The following PIK3R5 variants were observed in gnomAD, a reference collection of about 807,000 sequenced individuals.
The protein encoded by PIK3R5 is phosphoinositide 3-kinase regulatory subunit 5.
PIK3R5 carries 32 observed loss-of-function variants against 94.9 expected under a neutral mutation model. That is an observed-to-expected ratio of 0.34 (90% CI 0.25 to 0.45). PIK3R5 has a LOEUF of 0.45. Ranked by LOEUF, PIK3R5 falls within the 20% of genes least tolerant of loss-of-function variation. The pLI is 1.00. For missense variants in PIK3R5, 853 were observed against 1,144.6 expected (o/e 0.75, Z 3.68); for synonymous variants, 443 against 479.4 (o/e 0.92, Z 0.99).
At chr17:8,939,025 G>A (rs777212350) in intron 1 of PIK3R5, among the ~76,000 whole-genome samples, 2 of 152,158 alleles carry the variant, frequency 1.3e-5, no homozygotes, top group Non-Finnish European at 2.9e-5. Context: ...TGGTGCCACC[G>A]CCATCAGCTA....
Position 8,925,812 on chromosome 17 carries a change from A to G in PIK3R5, c.-13-14305T>C, listed in dbSNP as rs2090872781. Among the ~76,000 whole-genome samples the G allele has an allele frequency of 6.6e-6, 1 of 152,286 alleles. No homozygotes were observed. Among genetic ancestry groups the G allele is most frequent in the East Asian group, 1.9e-4 (1 of 5,180 alleles). ...CCCCTTTTGTCTTTTCCTTTAATGC[A>G]GATAGATGCATCACATTCACTGAGA... On this transcript the variant is annotated intron_variant, in intron 1 of 18. Transcript: ENST00000447110. This position sits in a 1 kb window ranked among gnomAD's most constrained non-coding sequence, Gnocchi z 5.1.
chr17:8,957,449 A>G (rs1597438805), intron 1 of PIK3R5, among the ~76,000 whole-genome samples: 1 of 152,190 alleles, frequency 6.6e-6, no homozygotes, highest in Non-Finnish European at 1.5e-5. Context: ...ACATCTGAAG[A>G]CAGATACTAC....
At chr17:8,885,856 G>A (rs1428654671) in intron 14 of PIK3R5, among the ~76,000 whole-genome samples, 10 of 103,266 alleles carry the variant, frequency 9.7e-5, no homozygotes, top group Non-Finnish European at 1.7e-4. Flanking sequence ...CGCCTCCTGG[G>A]TAACTCCGCC....
chr17:8,965,111 G>A (rs534633474), intron 1 of PIK3R5, among the ~76,000 whole-genome samples: 1 of 152,236 alleles, frequency 6.6e-6, no homozygotes, highest in East Asian at 1.9e-4. Context: ...CAGCAGCCGC[G>A]TCTGGGCCCA....
chr17:8,903,420 AATAT>A (rs2090332666), intron 5 of PIK3R5, among the ~76,000 whole-genome samples: 1 of 151,226 alleles, frequency 6.6e-6, no homozygotes, highest in South Asian at 2.1e-4. Context: ...TACATGAATG[AATAT>A]ATACTAAGTG....
At position 8,884,047 on chromosome 17, in the gene PIK3R5, C is replaced by T. The variant is rs967540047; in HGVS notation, c.2205+660G>A. Among the ~76,000 whole-genome samples the T allele has an allele frequency of 3.3e-5, 5 of 152,160 alleles. No individual in the cohort carries two copies. The highest frequency in any genetic ancestry group is 1.3e-4 in the Admixed American group (2 of 15,272). Reference sequence around the variant, plus strand: ...TATCTTGGCTATTTCTTTGTTTCCTCGTTTCTTGTCTGTCTCCCTCCTCTA... The same window carrying T: ...TATCTTGGCTATTTCTTTGTTTCCTTGTTTCTTGTCTGTCTCCCTCCTCTA... On this transcript the variant is annotated intron_variant, in intron 15 of 18. Transcript: ENST00000447110. This position sits in a 1 kb window ranked among gnomAD's most constrained non-coding sequence, Gnocchi z 5.8.
At chr17:8,883,096 G>A (rs144878647) in intron 15 of PIK3R5, among the ~76,000 whole-genome samples, 2,634 of 152,338 alleles carry the variant, frequency 0.017, 26 homozygotes, top group Non-Finnish European at 0.027. Context: ...TGGGTCGGGC[G>A]TGGTGGCTCA....
chr17:8,889,910 A>T lies in PIK3R5; in HGVS notation c.811+63T>A. 1 of 1,580,954 alleles carries T rather than the reference A, an allele frequency of 6.3e-7. No individual in the cohort carries two copies. The highest frequency in any genetic ancestry group is 8.7e-7 in the Non-Finnish European group (1 of 1,153,150). On this transcript the variant is annotated intron_variant, in intron 8 of 18. Transcript: ENST00000447110. This position sits in a 1 kb window ranked among gnomAD's most constrained non-coding sequence, Gnocchi z 4.1. The stretch of plus-strand genomic sequence containing the variant: ...GCCACCAGGCCCGCCTGGACCGTGC[A>T]CCTTGGGACCTAGAATAGGCCATGG...
At chr17:8,886,393 A>G in intron 13 of PIK3R5, 71 bp from the exon 14 acceptor site, 2 of 1,594,784 alleles carry the variant, frequency 1.3e-6, no homozygotes, top group South Asian at 1.1e-5. Context: ...TCCAGCATAG[A>G]CCTGCTGGCT....
rs1259099289 is a variant in PIK3R5 at position 8,892,134 on chromosome 17, T to G, written c.483-1222A>C. The stretch of plus-strand genomic sequence containing the variant: ...CTTGCTCTCTCAATTCCACACTGCG[T>G]TTAAACCCAGTGCAAAGGAGCACCA... On this transcript the variant is annotated intron_variant, in intron 6 of 18. Transcript: ENST00000447110. This position sits in a 1 kb window ranked among gnomAD's most constrained non-coding sequence, Gnocchi z 4.3. Among the ~76,000 whole-genome samples the G allele has an allele frequency of 6.6e-6, 1 of 152,154 alleles. No homozygotes were observed. The highest frequency in any genetic ancestry group is 1.5e-5 in the Non-Finnish European group (1 of 68,036).
intron 1 of PIK3R5, among the ~76,000 whole-genome samples, chr17:8,931,369 C>T (rs2090984741): frequency 6.6e-6 from 1 of 152,150 alleles, no homozygotes; most frequent in Non-Finnish European, 1.5e-5. Flanking sequence ...AGCCTCCCTC[C>T]ATGAACAATT....
At position 8,880,561 on chromosome 17, in the gene PIK3R5, C is replaced by T; in HGVS notation, c.*78G>A. On this transcript the variant is annotated 3_prime_UTR_variant, in exon 19 of 19. Coordinates refer to ENST00000447110, the MANE Select transcript of PIK3R5 (RefSeq NM_001142633.3). ...CTCTGCACAGGGCCATTCAGTTCTC[C>T]ACAGAGAGGGACTGTCCTGGAGGGG... 7.1e-7 allele frequency: 1 copy of T among 1,399,998 alleles called. No individual in the cohort carries two copies. The highest frequency in any genetic ancestry group is 9.5e-7 in the Non-Finnish European group (1 of 1,049,714). 86.7% of individuals were successfully genotyped at this position (1,399,998 alleles called of 1,614,324 possible).
At chr17:8,965,001 C>CACACACACACA (rs1567679194) in intron 1 of PIK3R5, among the ~76,000 whole-genome samples, 155 of 150,800 alleles carry the variant, frequency 1.0e-3, no homozygotes, top group Non-Finnish European at 1.5e-3. Context: ...ATGCGCATGC[C>CACACACACACA]CACACACACA....
Position 8,884,315 on chromosome 17 carries a change from C to T in PIK3R5, c.2205+392G>A, listed in dbSNP as rs1042806987. 2.6e-5 allele frequency among the ~76,000 whole-genome samples: 4 copies of T among 152,084 alleles called. No homozygotes were observed. Among genetic ancestry groups the T allele is most frequent in the African/African-American group, 4.8e-5 (2 of 41,394 alleles). On this transcript the variant is annotated intron_variant, in intron 15 of 18. Coordinates refer to ENST00000447110, the MANE Select transcript of PIK3R5 (RefSeq NM_001142633.3). This position sits in a 1 kb window ranked among gnomAD's most constrained non-coding sequence, Gnocchi z 5.8. ...CACAGCTCTCCTCACTCCTTTCTCA[C>T]GCCAATCCCATCTTGCATGCAGCCT... is the stretch of plus-strand genomic sequence containing the variant.
In PIK3R5 at chr17:8,892,871, C is replaced by G. The variant is rs1239894841; in HGVS notation, c.482+715G>C. ...TGTCAAGGTGAGACAGCACCCAACT[C>G]TTCAAGGCCTGCAGAGGGTCCTCCT... is the stretch of plus-strand genomic sequence containing the variant. On this transcript the variant is annotated intron_variant, in intron 6 of 18. Transcript: ENST00000447110. This position sits in a 1 kb window ranked among gnomAD's most constrained non-coding sequence, Gnocchi z 4.3. 6.6e-6 allele frequency among the ~76,000 whole-genome samples: 1 copy of G among 152,196 alleles called. No individual in the cohort carries two copies. The highest frequency in any genetic ancestry group is 1.9e-4 in the East Asian group (1 of 5,190).
At chr17:8,924,603 T>C (rs1227531459) in intron 1 of PIK3R5, among the ~76,000 whole-genome samples, 2 of 152,176 alleles carry the variant, frequency 1.3e-5, no homozygotes, top group Non-Finnish European at 1.5e-5. Flanking sequence ...CCACCCCGTC[T>C]TCTCTCCATT....
Position 8,888,672 on chromosome 17 carries a change from G to C in PIK3R5, c.1115C>G (p.Ser372Trp), listed in dbSNP as rs201413001. The C allele has an allele frequency of 6.2e-7, 1 of 1,613,880 alleles. No homozygotes were observed. Among genetic ancestry groups the C allele is most frequent in the Non-Finnish European group, 8.5e-7 (1 of 1,179,972 alleles). ...GACAAAGGAAGTCAGCAGATGGCGC[G>C]AGAGGGCCGGCCCCGAGGCCTGGGA... is the stretch of plus-strand genomic sequence containing the variant. ...ASSQASGPAL[S>W]RHLLTSFVSG... The change falls in exon 10 of 19, where the codon TCG becomes TGG. Residue 372 changes from serine (S) to tryptophan (W), a missense_variant. By Grantham distance (177) the Ser-to-Trp change is radical (BLOSUM62 -3). Transcript: ENST00000447110. This position sits in a 1 kb window ranked among gnomAD's most constrained non-coding sequence, Gnocchi z 7.8.
In PIK3R5 at chr17:8,955,845, G is replaced by A. The variant is rs2091457760; in HGVS notation, c.-14+9751C>T. Among the ~76,000 whole-genome samples the A allele has an allele frequency of 1.3e-5, 2 of 152,188 alleles. No homozygotes were observed. The highest frequency in any genetic ancestry group is 4.8e-5 in the African/African-American group (2 of 41,450). On this transcript the variant is annotated intron_variant, in intron 1 of 18. Transcript: ENST00000447110. The surrounding 1 kb of genome is among the most constrained non-coding windows in gnomAD (Gnocchi z 4.4). Reference sequence around the variant, plus strand: ...TGCACAGGAAGCCTGCTTTGTGGATGCAGAGTTGGGCTCTGGATATTGCTC... The same window carrying A: ...TGCACAGGAAGCCTGCTTTGTGGATACAGAGTTGGGCTCTGGATATTGCTC...
chr17:8,893,124 T>C lies in PIK3R5; in HGVS notation c.482+462A>G, dbSNP rs376930275. On this transcript the variant is annotated intron_variant, in intron 6 of 18. Transcript: ENST00000447110. This position sits in a 1 kb window ranked among gnomAD's most constrained non-coding sequence, Gnocchi z 5.1. ...TGTCATATAAAATGGATTTTTCTTA[T>C]AGGTCCTGGTCAAAAAAGTTTGGAA... Among the ~76,000 whole-genome samples the C allele has an allele frequency of 5.9e-5, 9 of 151,886 alleles. No homozygotes were observed. In the East Asian group the frequency reaches 7.7e-4, roughly 13 times the overall value.
Sources: allele counts gnomAD v4.1 joint callset (sites outside exome capture counted in the v4.1 genomes callset), GRCh38; gene constraint gnomAD v4.1.1; non-coding constraint Gnocchi (gnomAD v3.1); transcripts MANE v1.5; gene names NCBI Gene and HGNC (gene_info 2026-07-23, HGNC 2026-07-21).